Variants in RBM17 observed in about 807,000 individuals in gnomAD.
RBM17 encodes RNA binding motif protein 17.
In RBM17, 7 loss-of-function variants were observed where a neutral mutation model predicts 53.2. The observed-to-expected ratio is 0.13, with a 90% CI of 0.07 to 0.25. RBM17 has a LOEUF of 0.25. Ranked by LOEUF, RBM17 falls within the 10% of genes least tolerant of loss-of-function variation. The pLI is 1.00. For synonymous variants in RBM17, 167 were observed against 178.1 expected, an observed-to-expected ratio of 0.94 and a Z score of 0.50; for missense variants, 257 against 496.7, an observed-to-expected ratio of 0.52 and a Z score of 4.59.
At chr10:6,115,399 TA>T in intron 11 of RBM17, 53 bp from the exon 12 acceptor site, 1 of 1,545,120 alleles carries the variant, frequency 6.5e-7, no homozygotes, top group Non-Finnish European at 8.9e-7. Context: ...TAATTAAAGT[TA>T]AACCTTTATC....
chr10:6,100,938 A>G (rs956620577), intron 2 of RBM17, among the ~76,000 whole-genome samples: 17 of 152,218 alleles, frequency 1.1e-4, no homozygotes, highest in Admixed American at 1.3e-4. Flanking sequence ...TTTCTTTTAA[A>G]AACTTTTTTT....
intron 7 of RBM17, among the ~76,000 whole-genome samples, chr10:6,111,565 C>G (rs1244966452): frequency 6.6e-6 from 1 of 152,150 alleles, no homozygotes; most frequent in African/African-American, 2.4e-5. Flanking sequence ...GTCTTGAACT[C>G]CTGACCTCAG....
In RBM17 at chr10:6,112,507, C is replaced by T. The variant is rs1427919267; in HGVS notation, c.856+146C>T. 4.3e-6 allele frequency: 4 copies of T among 924,254 alleles called. No homozygotes were observed. The African/African-American group carries it at 6.6e-5, about 15-fold the overall frequency. The allele number at this position is 924,254 out of a possible 1,614,324, so 57.3% of individuals were successfully genotyped here. ...AGGGCTGGCCCTGCCATCACTAGAACACAGGCCGTCCTGTTCATATGATGC... is the reference window on the plus strand; with the variant it reads ...AGGGCTGGCCCTGCCATCACTAGAATACAGGCCGTCCTGTTCATATGATGC... On this transcript the variant is annotated intron_variant, in intron 8 of 11. Coordinates refer to ENST00000379888, the MANE Select transcript of RBM17 (RefSeq NM_032905.5). This position sits in a 1 kb window ranked among gnomAD's most constrained non-coding sequence, Gnocchi z 4.4.
At chr10:6,106,489 T>A (rs1276936084) in intron 5 of RBM17, 1 of 387,340 alleles carries the variant, frequency 2.6e-6, no homozygotes, top group African/African-American at 2.1e-5. Flanking sequence ...TAGCTTAAAA[T>A]CTATTCCTGC....
intron 1 of RBM17, among the ~76,000 whole-genome samples, chr10:6,096,640 A>G (rs1166466264): frequency 1.3e-5 from 2 of 152,198 alleles, no homozygotes; most frequent in African/African-American, 4.8e-5. Flanking sequence ...TCTTTATAAA[A>G]GGGTAGCTAA....
In RBM17 at chr10:6,105,082, T is replaced by C; in HGVS notation, c.392T>C (p.Ile131Thr). The C allele has an allele frequency of 6.2e-7, 1 of 1,613,098 alleles. No individual in the cohort carries two copies. Among genetic ancestry groups the C allele is most frequent in the African/African-American group, 1.3e-5 (1 of 74,922 alleles). ...RQRELERQKE[I>T]EEREKRRKDR... ...CGGGAGCTGGAAAGACAAAAGGAAA[T>C]AGAAGAAAGGGAAAAGTAAGGCTTC... The change falls in exon 4 of 12, where the codon ATA becomes ACA. Residue 131 changes from isoleucine (I) to threonine (T), a missense_variant. Ile to Thr is a moderately conservative substitution (Grantham distance 89). Transcript: ENST00000379888.
chr10:6,108,755 G>C lies in RBM17; in HGVS notation c.562+13G>C. On this transcript the variant is annotated intron_variant, in intron 6 of 11. Coordinates refer to ENST00000379888, the MANE Select transcript of RBM17 (RefSeq NM_032905.5). ...AAAGACAAAGAGTGTAAGTAGATCT[G>C]TTTCTTCCTCTTTTATTCTGATACA... 6.2e-7 allele frequency: 1 copy of C among 1,601,612 alleles called. No individual in the cohort carries two copies. The highest frequency in any genetic ancestry group is 8.6e-7 in the Non-Finnish European group (1 of 1,169,578).
intron 6 of RBM17, 65 bp from the exon 7 acceptor site, chr10:6,109,921 A>G (rs1840812087): frequency 7.7e-7 from 1 of 1,302,666 alleles, no homozygotes; most frequent in African/African-American, 1.5e-5. Context: ...AATAATTGAT[A>G]CAAGTGAGGT....
At chr10:6,111,826 T>A (rs1840842733) in intron 7 of RBM17, among the ~76,000 whole-genome samples, 1 of 152,204 alleles carries the variant, frequency 6.6e-6, no homozygotes, top group Admixed American at 6.5e-5. Context: ...TCATCTTCAT[T>A]GTACGAAACT....
At position 6,116,310 on chromosome 10, in the gene RBM17, ATG is replaced by A. The variant is rs1840915652; in HGVS notation, c.*759_*760del. Reference sequence around the variant, plus strand: ...TCAAAACCTAGCAGGTGCATTGTAAATGTGTGCCCAGTTATGTTTTGGAAATG... The same window carrying A: ...TCAAAACCTAGCAGGTGCATTGTAAATGTGCCCAGTTATGTTTTGGAAATG... On this transcript the variant is annotated 3_prime_UTR_variant, in exon 12 of 12. Coordinates refer to ENST00000379888, the MANE Select transcript of RBM17 (RefSeq NM_032905.5). 6.6e-6 allele frequency: 1 copy of A among 152,330 alleles called. No homozygotes were observed. Among genetic ancestry groups the A allele is most frequent in the Non-Finnish European group, 1.5e-5 (1 of 68,018 alleles). 9.4% of individuals were successfully genotyped at this position (152,330 alleles called of 1,614,324 possible).
At chr10:6,097,918 A>G (rs1257299388) in intron 2 of RBM17, among the ~76,000 whole-genome samples, 1 of 152,224 alleles carries the variant, frequency 6.6e-6, no homozygotes, top group East Asian at 1.9e-4. Flanking sequence ...AAGAAGCTCC[A>G]CAGAATACCT....
At position 6,112,078 on chromosome 10, in the gene RBM17, A is replaced by G; in HGVS notation, c.705-132A>G. The G allele has an allele frequency of 1.3e-6, 1 of 791,276 alleles. No individual in the cohort carries two copies. The highest frequency in any genetic ancestry group is 2.0e-6 in the Non-Finnish European group (1 of 497,514). The allele number at this position is 791,276 out of a possible 1,614,324, so 49.0% of individuals were successfully genotyped here. On this transcript the variant is annotated intron_variant, in intron 7 of 11. Transcript: ENST00000379888. This position sits in a 1 kb window ranked among gnomAD's most constrained non-coding sequence, Gnocchi z 4.4. ...CCATCTAATAGCCCACTCCTAGTTA[A>G]TGAGTGACTTTGTTGAAGCCCCTGT...
intron 1 of RBM17, among the ~76,000 whole-genome samples, chr10:6,093,699 T>C (rs532123361): frequency 1.3e-5 from 2 of 152,196 alleles, no homozygotes; most frequent in Non-Finnish European, 2.9e-5. Flanking sequence ...TAAAGAGAAA[T>C]GGGTTGAGTA....
At chr10:6,101,901 G>A (rs1564567058) in intron 3 of RBM17, among the ~76,000 whole-genome samples, 1 of 152,082 alleles carries the variant, frequency 6.6e-6, no homozygotes, top group Non-Finnish European at 1.5e-5. Context: ...ACAGAGAAAG[G>A]GGTTTTAAAA....
intron 3 of RBM17, among the ~76,000 whole-genome samples, chr10:6,104,695 A>G (rs1343544976): frequency 1.3e-5 from 2 of 152,254 alleles, no homozygotes; most frequent in African/African-American, 2.4e-5. Context: ...GAAAAATGCC[A>G]TAGAGTATTA....
At chr10:6,095,905 T>C (rs1185825530) in intron 1 of RBM17, among the ~76,000 whole-genome samples, 1 of 152,134 alleles carries the variant, frequency 6.6e-6, no homozygotes, top group Non-Finnish European at 1.5e-5. Context: ...GCTTGCCGAA[T>C]CAGACCTAAG....
At chr10:6,114,412 A>T (rs1454045177) in intron 10 of RBM17, 3 of 346,770 alleles carry the variant, frequency 8.7e-6, no homozygotes, top group Non-Finnish European at 1.1e-5. Flanking sequence ...TAGCGTGCTC[A>T]GTAGTTTAGT....
intron 7 of RBM17, among the ~76,000 whole-genome samples, chr10:6,110,914 T>C (rs1459401778): frequency 6.6e-6 from 1 of 152,126 alleles, no homozygotes; most frequent in Non-Finnish European, 1.5e-5. Flanking sequence ...TGCAGGAAGC[T>C]TTGTGTACTG....
chr10:6,107,879 A>C (rs543207191), intron 5 of RBM17, among the ~76,000 whole-genome samples: 1 of 152,222 alleles, frequency 6.6e-6, no homozygotes, highest in Non-Finnish European at 1.5e-5. Flanking sequence ...ATTGTTGATT[A>C]AGCCATAATA....
Sources: allele counts gnomAD v4.1 joint callset (sites outside exome capture counted in the v4.1 genomes callset), GRCh38; gene constraint gnomAD v4.1.1; non-coding constraint Gnocchi (gnomAD v3.1); transcripts MANE v1.5; gene names NCBI Gene and HGNC (gene_info 2026-07-23, HGNC 2026-07-21).